Variants in CDH18 observed in about 807,000 individuals in gnomAD.
CDH18 encodes the protein cadherin-18.
A neutral mutation model predicts 67.9 loss-of-function variants in CDH18; 31 were observed. The ratio of observed to expected loss-of-function variants is 0.46; its 90% CI spans 0.34 to 0.62. CDH18 has a LOEUF of 0.62. Ranked by LOEUF, CDH18 falls within the 20% of genes least tolerant of loss-of-function variation. The pLI, the probability that CDH18 is intolerant of heterozygous loss-of-function variation, is 0.01. For synonymous variants in CDH18, 362 were observed against 347.2 expected (o/e 1.04, Z -0.48); for missense variants, 890 against 975.5 (o/e 0.91, Z 1.17).
At chr5:20,265,314 CA>C (rs952352623) in intron 1 of CDH18, among the ~76,000 whole-genome samples, 20 of 151,292 alleles carry the variant, frequency 1.3e-4, no homozygotes, top group East Asian at 3.9e-4. Context: ...AGAAAAAGTC[CA>C]AAAAAAATTT....
chr5:20,145,163 A>G (rs1419032179), intron 2 of CDH18, among the ~76,000 whole-genome samples: 1 of 152,140 alleles, frequency 6.6e-6, no homozygotes, highest in Non-Finnish European at 1.5e-5. Flanking sequence ...TAAAAAAATA[A>G]AAAATACTAA....
chr5:20,117,243 TTCATATGCTGTACA>T (rs2126389623), intron 2 of CDH18, among the ~76,000 whole-genome samples: 1 of 152,274 alleles, frequency 6.6e-6, no homozygotes, highest in African/African-American at 2.4e-5. Context: ...CATAAATGTA[TTCATATGCTGTACA>T]TCAAGGAAAG....
intron 2 of CDH18, among the ~76,000 whole-genome samples, chr5:20,166,520 T>A (rs905290388): frequency 7.5e-5 from 11 of 147,062 alleles, no homozygotes; most frequent in Non-Finnish European, 1.4e-4. Flanking sequence ...ACCTGCAAAA[T>A]CCATTGCCAC....
chr5:20,095,357 AAGAAAAG>A (rs1745826161), intron 2 of CDH18, among the ~76,000 whole-genome samples: 4 of 144,472 alleles, frequency 2.8e-5, no homozygotes, highest in Admixed American at 7.1e-5. Flanking sequence ...GAAAGAAAGA[AAGAAAAG>A]ACAGAAGAAA....
intron 12 of CDH18, among the ~76,000 whole-genome samples, chr5:19,477,127 G>C (rs2126530099): frequency 6.8e-6 from 1 of 147,670 alleles, no homozygotes; most frequent in South Asian, 2.1e-4. Context: ...TTAATAAAAG[G>C]AGATATATAT....
At chr5:20,195,901 A>T (rs1738935481) in intron 2 of CDH18, among the ~76,000 whole-genome samples, 1 of 151,790 alleles carries the variant, frequency 6.6e-6, no homozygotes, top group African/African-American at 2.4e-5. Flanking sequence ...ATTCTTAAAA[A>T]TGTATGGGAC....
At chr5:20,301,251 A>G (rs1180223861) in intron 1 of CDH18, among the ~76,000 whole-genome samples, 1 of 152,102 alleles carries the variant, frequency 6.6e-6, no homozygotes, top group Non-Finnish European at 1.5e-5. Context: ...CACTTCCTTG[A>G]TGGGAGCATT....
intron 3 of CDH18, among the ~76,000 whole-genome samples, chr5:19,771,447 A>G (rs1395071058): frequency 6.6e-6 from 1 of 152,208 alleles, no homozygotes; most frequent in Non-Finnish European, 1.5e-5. Context: ...TCCAGTCCAC[A>G]GCCAACATGA....
chr5:20,247,840 T>C (rs1409658281), intron 2 of CDH18, among the ~76,000 whole-genome samples: 3 of 151,880 alleles, frequency 2.0e-5, no homozygotes, highest in Non-Finnish European at 2.9e-5. Context: ...CTCTGATTTG[T>C]CAATAATAGA....
At chr5:19,881,989 T>C (rs1263479242) in intron 2 of CDH18, among the ~76,000 whole-genome samples, 1 of 152,150 alleles carries the variant, frequency 6.6e-6, no homozygotes, top group Non-Finnish European at 1.5e-5. Context: ...CCACTAATTG[T>C]AATGTATTTT....
intron 3 of CDH18, among the ~76,000 whole-genome samples, chr5:19,768,020 G>T (rs902526116): frequency 1.3e-5 from 2 of 152,072 alleles, no homozygotes; most frequent in African/African-American, 4.8e-5. Flanking sequence ...TGAAAACCAA[G>T]ATCCACAAAT....
intron 1 of CDH18, among the ~76,000 whole-genome samples, chr5:20,444,654 T>G (rs1173975750): frequency 1.3e-5 from 2 of 152,310 alleles, no homozygotes; most frequent in Middle Eastern, 6.8e-3. Context: ...TGAGGGAAAG[T>G]ATGGAATCCA....
In CDH18 at chr5:20,001,728, C is replaced by T. The variant is rs1049467916; in HGVS notation, c.-517-9714G>A. ...AAATAATTTCTCTGCGGGTCTCTTGCGTTGTATAAGCCCAGGCCTTTCGGT... is the reference window on the plus strand; with the variant it reads ...AAATAATTTCTCTGCGGGTCTCTTGTGTTGTATAAGCCCAGGCCTTTCGGT... On this transcript the variant is annotated intron_variant, in intron 2 of 14. Coordinates refer to the CDH18 transcript ENST00000507958. 1.4e-4 allele frequency among the ~76,000 whole-genome samples: 21 copies of T among 152,108 alleles called. No individual in the cohort carries two copies. The South Asian group carries it at 1.5e-3, about 11-fold the overall frequency.
intron 3 of CDH18, among the ~76,000 whole-genome samples, chr5:19,831,394 C>A (rs548890211): frequency 6.6e-6 from 1 of 151,908 alleles, no homozygotes; most frequent in African/African-American, 2.4e-5. Context: ...TATCTAGAAT[C>A]TGTAAGGAAC....
At chr5:20,299,948 T>G (rs1051237046) in intron 1 of CDH18, among the ~76,000 whole-genome samples, 1 of 151,630 alleles carries the variant, frequency 6.6e-6, no homozygotes, top group Non-Finnish European at 1.5e-5. Context: ...AGAAATGTGT[T>G]GTTCTATAAA....
At chr5:19,576,294 T>C (rs557308781) in intron 7 of CDH18, among the ~76,000 whole-genome samples, 1 of 151,800 alleles carries the variant, frequency 6.6e-6, no homozygotes, top group South Asian at 2.1e-4. Flanking sequence ...AATCAAGTAA[T>C]AGAATGAAGA....
intron 5 of CDH18, among the ~76,000 whole-genome samples, chr5:19,647,618 AT>A (rs1174824003): frequency 1.3e-5 from 2 of 150,406 alleles, no homozygotes; most frequent in Non-Finnish European, 3.0e-5. Flanking sequence ...CATAGAGGCA[AT>A]TTAAAAGCAG....
chr5:20,364,262 C>G (rs992468578), intron 1 of CDH18, among the ~76,000 whole-genome samples: 2 of 150,834 alleles, frequency 1.3e-5, no homozygotes, highest in Non-Finnish European at 2.9e-5. Context: ...AGTACACACA[C>G]AGAGACACAC....
At chr5:20,399,148 G>T (rs1745550627) in intron 1 of CDH18, among the ~76,000 whole-genome samples, 1 of 152,196 alleles carries the variant, frequency 6.6e-6, no homozygotes, top group African/African-American at 2.4e-5. Flanking sequence ...TTTGAATTGT[G>T]TGCTTGAAGT....
Sources: gnomAD v4.1 joint callset for allele counts (sites outside exome capture counted in the v4.1 genomes callset) on GRCh38, gnomAD v4.1.1 for gene constraint, MANE v1.5 for transcripts, NCBI Gene and HGNC (gene_info 2026-07-23, HGNC 2026-07-21) for gene names.